CLCN5: variants seen among roughly 807,000 people sequenced by gnomAD.
The protein encoded by CLCN5 is Cl-/H+ antiporter 5.
A neutral mutation model predicts 54.0 loss-of-function variants in CLCN5; 17 were observed. The observed-to-expected ratio is 0.31, with a 90% confidence interval of 0.22 to 0.47. CLCN5 has a LOEUF of 0.47. CLCN5 is among the 20% of genes least tolerant of loss of function. CLCN5 has a pLI of 1.00. For missense variants in CLCN5, 448 were observed against 646.7 expected, an observed-to-expected ratio of 0.69 and a Z score of 3.33; for synonymous variants, 222 against 233.0, an observed-to-expected ratio of 0.95 and a Z score of 0.43.
chrX:49,993,488 T>C (rs1428921474), intron 3 of CLCN5, among the ~76,000 whole-genome samples: 2 of 111,738 alleles, frequency 1.8e-5, no homozygotes, highest in Non-Finnish European at 3.8e-5. Flanking sequence ...GTGTAATCAC[T>C]AGGGAGAGAA....
rs1422877320 is a variant in CLCN5, at chrX:50,097,318, G to C, written c.*5099G>C. 2 of 112,163 alleles carry C rather than the reference G, an allele frequency of 1.8e-5. No homozygotes were observed. Among genetic ancestry groups the C allele is most frequent in the Admixed American group, 9.5e-5 (1 of 10,558 alleles). 9.2% of individuals were successfully genotyped at this position (112,163 alleles called of 1,213,427 possible). ...AGGGAACAAAATTGGTTTTTCCATG[G>C]TGTAGTCTAATTTTGCCAAATCACC... On this transcript the variant is annotated 3_prime_UTR_variant, in exon 15 of 15. Coordinates refer to ENST00000376091, the MANE Select transcript of CLCN5 (RefSeq NM_001127898.4).
chrX:50,045,379 C>T (rs1373660649), intron 4 of CLCN5, among the ~76,000 whole-genome samples: 3 of 112,142 alleles, frequency 2.7e-5, no homozygotes, highest in African/African-American at 9.7e-5. Flanking sequence ...TTACACCAAT[C>T]ACTGACTTTA....
intron 3 of CLCN5, chrX:50,009,810 T>G (rs782742100): frequency 2.6e-6 from 1 of 385,972 alleles, no homozygotes; most frequent in Non-Finnish European, 5.2e-6. Flanking sequence ...GTGAGCCCCC[T>G]CTGCGTGGAG....
intron 4 of CLCN5, among the ~76,000 whole-genome samples, chrX:50,060,635 C>G (rs1256675278): frequency 9.0e-6 from 1 of 111,540 alleles, no homozygotes; most frequent in East Asian, 2.9e-4. Flanking sequence ...CGGGGAAGCT[C>G]GAACTGGGTG....
chrX:50,054,972 G>A (rs1053444999), intron 4 of CLCN5, among the ~76,000 whole-genome samples: 1 of 111,378 alleles, frequency 9.0e-6, no homozygotes, highest in South Asian at 3.8e-4. Context: ...ATGTTTCTAA[G>A]ATCTGGGGCT....
At position 50,081,625 on chromosome X, in the gene CLCN5, T is replaced by C; in HGVS notation, c.727-16T>C. ...TTCCTTAGTCTATATTCAATCTTTCTGTGTTTAACCTGCAGATAAAAACTA... is the reference window on the plus strand; with the variant it reads ...TTCCTTAGTCTATATTCAATCTTTCCGTGTTTAACCTGCAGATAAAAACTA... On this transcript the variant is annotated splice_polypyrimidine_tract_variant and intron_variant, in intron 8 of 14. Coordinates refer to ENST00000376091, the MANE Select transcript of CLCN5 (RefSeq NM_001127898.4). 2 of 1,177,645 alleles carry C rather than the reference T, an allele frequency of 1.7e-6. No homozygotes were observed. Among genetic ancestry groups the C allele is most frequent in the Non-Finnish European group, 1.2e-6 (1 of 864,885 alleles).
intron 4 of CLCN5, among the ~76,000 whole-genome samples, chrX:50,066,332 G>C (rs1407678333): frequency 9.0e-6 from 1 of 111,081 alleles, no homozygotes; most frequent in East Asian, 2.8e-4. Context: ...TGCTAGATTA[G>C]TTCATCAAGT....
At position 50,002,679 on chromosome X, in the gene CLCN5, CTCTG is replaced by C. The variant is rs1473793846; in HGVS notation, c.17-39635_17-39632del. Among the ~76,000 whole-genome samples, 165 of 100,499 alleles carry C rather than the reference CTCTG, an allele frequency of 1.6e-3. 1 individual carries two copies. The highest frequency in any genetic ancestry group is 5.8e-3 in the African/African-American group (151 of 26,247). The allele number at this position is 100,499 out of a possible 115,157, so 87.3% of individuals were successfully genotyped here. ...TCTGTCTCTGTCTCTCTCTCTCTCT[CTCTG>C]TGTGTGTGTGTGTGTGTGTGTGTGT... On this transcript the variant is annotated intron_variant, in intron 3 of 14. Coordinates refer to ENST00000376091, the MANE Select transcript of CLCN5 (RefSeq NM_001127898.4).
At chrX:50,008,193 G>T (rs1408418643) in intron 3 of CLCN5, among the ~76,000 whole-genome samples, 3 of 111,957 alleles carry the variant, frequency 2.7e-5, no homozygotes, top group African/African-American at 9.7e-5. Context: ...ATGAGCTTTG[G>T]CGTTATATTC....
In CLCN5 at chrX:50,031,981, G is replaced by C. The variant is rs781944252; in HGVS notation, c.17-10335G>C. Among the ~76,000 whole-genome samples, 751 of 102,414 alleles carry C rather than the reference G, an allele frequency of 7.3e-3. 12 individuals are homozygous for C. The highest frequency in any genetic ancestry group is 0.026 in the African/African-American group (729 of 27,765). The allele number at this position is 102,414 out of a possible 115,157, so 88.9% of individuals were successfully genotyped here. A position where few individuals can be genotyped will look rare whatever the true frequency, so the allele number is the denominator to read the frequency against. On this transcript the variant is annotated intron_variant, in intron 3 of 14. Coordinates refer to ENST00000376091, the MANE Select transcript of CLCN5 (RefSeq NM_001127898.4). ...GAGAATGTGTGGTGTTTGGTTTTTT[G>C]TTCTTGCGATAGTTTACTGAGAATG...
intron 3 of CLCN5, among the ~76,000 whole-genome samples, chrX:50,010,331 C>T (rs1602047112): frequency 9.1e-6 from 1 of 110,342 alleles, no homozygotes; most frequent in Non-Finnish European, 1.9e-5. Flanking sequence ...GCCTCAACCA[C>T]CTGGGCTCAA....
chrX:50,063,810 C>G (rs1602102944), intron 4 of CLCN5, among the ~76,000 whole-genome samples: 1 of 111,203 alleles, frequency 9.0e-6, no homozygotes, highest in Admixed American at 9.5e-5. Context: ...GCTTATCCAC[C>G]ATGATCAAGT....
chrX:49,936,750 A>C (rs1926009709), intron 3 of CLCN5, among the ~76,000 whole-genome samples: 1 of 112,212 alleles, frequency 8.9e-6, no homozygotes, highest in Non-Finnish European at 1.9e-5. Flanking sequence ...TGTAACTTGT[A>C]CAACTTTTGT....
intron 3 of CLCN5, among the ~76,000 whole-genome samples, chrX:49,971,870 T>G (rs1228665629): frequency 8.9e-6 from 1 of 112,104 alleles, no homozygotes; most frequent in Non-Finnish European, 1.9e-5. Context: ...TTAACAAGTA[T>G]TTTTTGCCAG....
At chrX:50,067,678 AG>A (rs1933078327) in intron 4 of CLCN5, 5 of 753,726 alleles carry the variant, frequency 6.6e-6, no homozygotes, top group Non-Finnish European at 7.8e-6. Context: ...CTTTTGTAAA[AG>A]CTCCCCAACC....
At chrX:49,935,912 A>G (rs1363176172) in intron 3 of CLCN5, among the ~76,000 whole-genome samples, 1 of 111,000 alleles carries the variant, frequency 9.0e-6, no homozygotes, top group Non-Finnish European at 1.9e-5. Flanking sequence ...TTGGAGATAG[A>G]TTGGATATGG....
intron 3 of CLCN5, among the ~76,000 whole-genome samples, chrX:49,939,502 G>A (rs997375980): frequency 9.0e-6 from 1 of 111,160 alleles, no homozygotes; most frequent in South Asian, 3.8e-4. Flanking sequence ...CATGGATGAA[G>A]CTGGAAACCA....
chrX:50,017,930 T>C (rs1362895258), intron 3 of CLCN5, among the ~76,000 whole-genome samples: 3 of 111,704 alleles, frequency 2.7e-5, no homozygotes, highest in Non-Finnish European at 5.7e-5. Flanking sequence ...TTTGTTCTTC[T>C]CTTTCAAAAT....
chrX:49,931,914 A>T (rs77918483), intron 3 of CLCN5, among the ~76,000 whole-genome samples: 1 of 102,289 alleles, frequency 9.8e-6, no homozygotes, highest in African/African-American at 3.5e-5. Context: ...CCCTGTCTCA[A>T]AAAAAAAAAA....
Sources: allele counts gnomAD v4.1 joint callset (sites outside exome capture counted in the v4.1 genomes callset), GRCh38; gene constraint gnomAD v4.1.1; transcripts MANE v1.5; gene names NCBI Gene and HGNC (gene_info 2026-07-23, HGNC 2026-07-21).